The following ACTR1B variants were observed in gnomAD, a reference collection of about 807,000 sequenced individuals.
The protein encoded by ACTR1B is beta-centractin.
In ACTR1B, 34 loss-of-function variants were observed where a neutral mutation model predicts 49.4. The observed-to-expected ratio is 0.69, with a 90% CI of 0.52 to 0.92. The LOEUF (loss-of-function observed/expected upper bound fraction) is 0.92. ACTR1B is among the 40% of genes least tolerant of loss of function. ACTR1B has a pLI of 0.00. For missense variants in ACTR1B, 471 were observed against 522.4 expected, an observed-to-expected ratio of 0.90 and a Z score of 0.96; for synonymous variants, 207 against 207.8, an observed-to-expected ratio of 1.00 and a Z score of 0.03.
chr2:97,657,722 T>C, intron 8 of ACTR1B, among the ~76,000 whole-genome samples: 1 of 152,216 alleles, frequency 6.6e-6, no homozygotes, highest in East Asian at 1.9e-4. Context: ...CCGCACATGC[T>C]CCTTGCTCGA....
intron 8 of ACTR1B, 66 bp from the exon 9 acceptor site, chr2:97,657,575 C>G: frequency 6.5e-7 from 1 of 1,542,764 alleles, no homozygotes; most frequent in Non-Finnish European, 9.0e-7. Context: ...GCTCCCGCAC[C>G]CAGCCTTCAG....
rs368304448 is a variant in ACTR1B at position 97,660,806 on chromosome 2, G to A, written c.114-160C>T. On this transcript the variant is annotated intron_variant, in intron 2 of 10. Transcript: ENST00000289228. ...GTTGGAACTGGGGCCTATGGGGTTC[G>A]GGGCTAGAGAGGGGGCCTAGGCAGG... Among the ~76,000 whole-genome samples the A allele has an allele frequency of 2.0e-4, 30 of 152,332 alleles. 5 individuals carry two copies. The highest frequency in any genetic ancestry group is 5.8e-4 in the East Asian group (3 of 5,186).
rs939770250 is a variant in ACTR1B, at chr2:97,659,118, C to T, written c.316-115G>A. The T allele has an allele frequency of 2.3e-5, 35 of 1,521,710 alleles. No homozygotes were observed. Among genetic ancestry groups the T allele is most frequent in the Non-Finnish European group, 3.0e-5 (33 of 1,114,330 alleles). 94.3% of individuals were successfully genotyped at this position (1,521,710 alleles called of 1,614,324 possible). ...ACAGGCAGCTCAGCCTCCTACCCCT[C>T]CTGAGGGCCCCATCCCTTTATCTGC... On this transcript the variant is annotated intron_variant, in intron 4 of 10. Transcript: ENST00000289228. The surrounding 1 kb of genome is among the most constrained non-coding windows in gnomAD (Gnocchi z 4.0).
At chr2:97,657,404 C>T in intron 9 of ACTR1B, 44 bp downstream of exon 9, 2 of 1,606,616 alleles carry the variant, frequency 1.2e-6, no homozygotes, top group African/African-American at 1.3e-5. Context: ...CATGCCAAGG[C>T]TGCCAGCGCC....
chr2:97,662,046 G>A (rs541521789), intron 1 of ACTR1B, 100 bp from the exon 2 acceptor site: 3 of 1,223,918 alleles, frequency 2.5e-6, no homozygotes, highest in East Asian at 5.1e-5. Flanking sequence ...GCAGGCCAAG[G>A]AGGAAGCCAG....
rs1381547550 is a variant in ACTR1B at position 97,657,490 on chromosome 2, G to A, written c.945C>T (p.Leu315=). Residue 315 remains leucine (L), a synonymous_variant, in exon 9 of 11, where the codon CTC becomes CTT. Coordinates refer to ENST00000289228, the MANE Select transcript of ACTR1B (RefSeq NM_005735.4). The part of the protein sequence containing the change: ...TLFKGFGDRL[L]SEVKKLAPKD... ...TTGGGGCAAGCTTCTTCACTTCACT[G>A]AGTAATCGGTCTCCGAAGCCTGTGA... 7 of 1,614,098 alleles carry A rather than the reference G, an allele frequency of 4.3e-6. No individual in the cohort carries two copies. Among genetic ancestry groups the A allele is most frequent in the Admixed American group, 1.7e-5 (1 of 60,012 alleles).
Position 97,658,320 on chromosome 2 carries a change from C to T in ACTR1B, c.658-4G>A, listed in dbSNP as rs7608385. 3,461 of 1,614,146 alleles carry T rather than the reference C, an allele frequency of 2.1e-3. 59 individuals are homozygous for T. In the African/African-American group the frequency reaches 0.035, roughly 16 times the overall value. ...TGATGGACAGGTAGCACGCTCGCTG[C>T]GGGGACAGGGACACAGCCCTCAGAA... On this transcript the variant is annotated splice_region_variant and splice_polypyrimidine_tract_variant and intron_variant, in intron 6 of 10. Coordinates refer to ENST00000289228, the MANE Select transcript of ACTR1B (RefSeq NM_005735.4). The surrounding 1 kb of genome is among the most constrained non-coding windows in gnomAD (Gnocchi z 5.9).
intron 1 of ACTR1B, among the ~76,000 whole-genome samples, chr2:97,663,447 C>CT (rs1300229749): frequency 6.6e-6 from 1 of 152,208 alleles, no homozygotes; most frequent in Non-Finnish European, 1.5e-5. Context: ...CAAATGCTAC[C>CT]CCACCTCCGC....
chr2:97,656,939 C>T lies in ACTR1B; in HGVS notation c.1050G>A (p.Leu350=), dbSNP rs759471658. The change falls in exon 11 of 11, where the codon CTG becomes CTA. Residue 350 remains leucine (L), a synonymous_variant. Transcript: ENST00000289228. The stretch of plus-strand genomic sequence containing the variant: ...ACACCCACATCTTCTTAAAAGTGTC[C>T]AGCGAGGCCAGGATGGAGCCGCTGT... The part of the protein sequence containing the change: ...TWIGGSILAS[L]DTFKKMWVSK... 2.1e-5 allele frequency: 33 copies of T among 1,593,968 alleles called. No homozygotes were observed. The highest frequency in any genetic ancestry group is 2.5e-5 in the Non-Finnish European group (29 of 1,170,078).
In ACTR1B at chr2:97,658,125, G is replaced by C; in HGVS notation, c.751-8C>G. 1 of 1,613,688 alleles carries C rather than the reference G, an allele frequency of 6.2e-7. No homozygotes were observed. The highest frequency in any genetic ancestry group is 2.2e-5 in the East Asian group (1 of 44,872). On this transcript the variant is annotated splice_polypyrimidine_tract_variant and splice_region_variant and intron_variant, in intron 7 of 10. Coordinates refer to ENST00000289228, the MANE Select transcript of ACTR1B (RefSeq NM_005735.4). This position sits in a 1 kb window ranked among gnomAD's most constrained non-coding sequence, Gnocchi z 5.9. ...GAATCGTGCAGGCCCCACCTTTAGTGTACAAGATTGAGGCAGACAGGCTTC... is the reference window on the plus strand; with the variant it reads ...GAATCGTGCAGGCCCCACCTTTAGTCTACAAGATTGAGGCAGACAGGCTTC...
rs549222314 is a variant in ACTR1B, at chr2:97,657,362, C to A, written c.987+86G>T. The A allele has an allele frequency of 4.0e-6, 6 of 1,516,722 alleles. No homozygotes were observed. The South Asian group carries it at 6.7e-5, about 17-fold the overall frequency. The allele number at this position is 1,516,722 out of a possible 1,614,324, so 94.0% of individuals were successfully genotyped here. On this transcript the variant is annotated intron_variant, in intron 9 of 10. Coordinates refer to ENST00000289228, the MANE Select transcript of ACTR1B (RefSeq NM_005735.4). ...GACTAGGTGGACGTGAGCTGGTGAGCGGGTCTGGGGGCAGCATTCAACCTT... is the reference window on the plus strand; with the variant it reads ...GACTAGGTGGACGTGAGCTGGTGAGAGGGTCTGGGGGCAGCATTCAACCTT...
Position 97,659,475 on chromosome 2 carries a change from C to T in ACTR1B, c.192G>A (p.Glu64=), listed in dbSNP as rs767604012. The change falls in exon 4 of 11, where the codon GAG becomes GAA. Residue 64 remains glutamate (E), a splice_region_variant and synonymous_variant. Transcript: ENST00000289228. The surrounding 1 kb of genome is among the most constrained non-coding windows in gnomAD (Gnocchi z 4.0). The stretch of plus-strand genomic sequence containing the variant: ...AGCGGATGGTCAGCAGCCCCCGGTG[C>T]TCCTGGTGGGGTGGGAAGGGAGGTG... ...GDLFIGPKAE[E]HRGLLTIRYP... is the part of the protein sequence containing the mutation. 6.2e-7 allele frequency: 1 copy of T among 1,613,464 alleles called. No homozygotes were observed. The highest frequency in any genetic ancestry group is 8.5e-7 in the Non-Finnish European group (1 of 1,179,926).
chr2:97,661,206 C>G (rs748144318), intron 2 of ACTR1B, among the ~76,000 whole-genome samples: 1 of 152,260 alleles, frequency 6.6e-6, no homozygotes, highest in Non-Finnish European at 1.5e-5. Flanking sequence ...TGAAGCTCGA[C>G]AGGGCGCACC....
rs752051108 is a variant in ACTR1B, at chr2:97,658,185, G to A, written c.750+39C>T. 6 of 1,613,298 alleles carry A rather than the reference G, an allele frequency of 3.7e-6. No homozygotes were observed. In the Admixed American group the frequency reaches 1.0e-4, roughly 27 times the overall value. ...CGGGCTACCCCTTCCCCCAGGCTGGGCATCGGCTGCCACTCCAGTGCCAGG... is the reference window on the plus strand; with the variant it reads ...CGGGCTACCCCTTCCCCCAGGCTGGACATCGGCTGCCACTCCAGTGCCAGG... On this transcript the variant is annotated intron_variant, in intron 7 of 10. Coordinates refer to ENST00000289228, the MANE Select transcript of ACTR1B (RefSeq NM_005735.4). This position sits in a 1 kb window ranked among gnomAD's most constrained non-coding sequence, Gnocchi z 5.9.
rs1362959854 is a variant in ACTR1B at position 97,662,060 on chromosome 2, C to A, written c.49-114G>T. 5 of 1,037,810 alleles carry A rather than the reference C, an allele frequency of 4.8e-6. No individual in the cohort carries two copies. In the Admixed American group the frequency reaches 8.6e-5, roughly 18 times the overall value. 64.3% of individuals were successfully genotyped at this position (1,037,810 alleles called of 1,614,324 possible). A position where few individuals can be genotyped will look rare whatever the true frequency, so the allele number is the denominator to read the frequency against. ...GGCAGGCCAAGGAGGAAGCCAGGGACCCTGCCAGGATCATTTACAAGTACA... is the reference window on the plus strand; with the variant it reads ...GGCAGGCCAAGGAGGAAGCCAGGGAACCTGCCAGGATCATTTACAAGTACA... On this transcript the variant is annotated intron_variant, in intron 1 of 10. Coordinates refer to ENST00000289228, the MANE Select transcript of ACTR1B (RefSeq NM_005735.4).
In ACTR1B at chr2:97,657,557, C is replaced by A. The variant is rs377395582; in HGVS notation, c.926-48G>T. On this transcript the variant is annotated intron_variant, in intron 8 of 10. Transcript: ENST00000289228. ...GCCTGGGGTCTGCACCCGGCCTCCT[C>A]GCTGCTAGCTCCCGCACCCAGCCTT... 48 of 1,594,822 alleles carry A rather than the reference C, an allele frequency of 3.0e-5. No homozygotes were observed. In the African/African-American group the frequency reaches 5.9e-4, roughly 20 times the overall value.
At chr2:97,662,729 G>A (rs533357347) in intron 1 of ACTR1B, among the ~76,000 whole-genome samples, 1 of 152,332 alleles carries the variant, frequency 6.6e-6, no homozygotes, top group South Asian at 2.1e-4. Flanking sequence ...AGTTACAGAG[G>A]AGGGGATGGA....
chr2:97,656,264 A>G lies in ACTR1B; in HGVS notation c.*594T>C. ...AAAGGATAGTGCAGCGGCTCTAGCC[A>G]CCGTGCATCCTCTGCCCTGGCTCTG... On this transcript the variant is annotated 3_prime_UTR_variant, in exon 11 of 11. Transcript: ENST00000289228. 1 of 154,514 alleles carries G rather than the reference A, an allele frequency of 6.5e-6. No individual in the cohort carries two copies. Among genetic ancestry groups the G allele is most frequent in the Non-Finnish European group, 1.4e-5 (1 of 69,472 alleles). 9.6% of individuals were successfully genotyped at this position (154,514 alleles called of 1,614,324 possible).
chr2:97,662,616 G>A (rs1675049625), intron 1 of ACTR1B, among the ~76,000 whole-genome samples: 1 of 152,040 alleles, frequency 6.6e-6, no homozygotes, highest in African/African-American at 2.4e-5. Flanking sequence ...AAAGAACGGG[G>A]CAATTAGAAA....
Sources: allele counts gnomAD v4.1 joint callset (sites outside exome capture counted in the v4.1 genomes callset), GRCh38; gene constraint gnomAD v4.1.1; non-coding constraint Gnocchi (gnomAD v3.1); transcripts MANE v1.5; gene names NCBI Gene and HGNC (gene_info 2026-07-23, HGNC 2026-07-21).